NFKBIA: variants seen among roughly 807,000 people sequenced by gnomAD.
The protein encoded by NFKBIA is NFKB inhibitor alpha.
In NFKBIA, 10 loss-of-function variants were observed where a neutral mutation model predicts 36.3. The observed-to-expected ratio is 0.28, with a 90% CI of 0.17 to 0.47. The LOEUF is 0.47. NFKBIA is among the 20% of genes least tolerant of loss of function. The pLI, the probability that NFKBIA is intolerant of heterozygous loss-of-function variation, is 0.99. For missense variants in NFKBIA, 355 were observed against 399.3 expected (o/e 0.89, Z 0.94); for synonymous variants, 205 against 164.4 (o/e 1.25, Z -1.89).
At position 35,403,373 on chromosome 14, in the gene NFKBIA, G is replaced by C; in HGVS notation, c.337-13C>G. 3.1e-6 allele frequency: 5 copies of C among 1,613,626 alleles called. No homozygotes were observed. Among genetic ancestry groups the C allele is most frequent in the Non-Finnish European group, 4.2e-6 (5 of 1,179,866 alleles). Reference sequence around the variant, plus strand: ...AGTGGAGTGGAGTCTACGAATGCAAGAGAGACCAGAGAAAGTAAGCCATGG... The same window carrying C: ...AGTGGAGTGGAGTCTACGAATGCAACAGAGACCAGAGAAAGTAAGCCATGG... On this transcript the variant is annotated splice_polypyrimidine_tract_variant and intron_variant, in intron 2 of 5. Transcript: ENST00000216797.
rs1391137942 is a variant in NFKBIA, at chr14:35,404,576, C to T, written c.69G>A (p.Glu23=). The change falls in exon 1 of 6, where the codon GAG becomes GAA. Residue 23 remains glutamate (E), a synonymous_variant. Coordinates refer to ENST00000216797, the MANE Select transcript of NFKBIA (RefSeq NM_020529.3). ...TGTCGTGGCGGTCGTCCAGTAGCCG[C>T]TCCTTCTTCAGCCCGTCGCGGGGGC... is the stretch of plus-strand genomic sequence containing the variant. ...MEGPRDGLKK[E]RLLDDRHDSG... 6.3e-7 allele frequency: 1 copy of T among 1,591,880 alleles called. No individual in the cohort carries two copies. The highest frequency in any genetic ancestry group is 1.1e-5 in the South Asian group (1 of 87,910).
Position 35,401,912 on chromosome 14 carries a change from G to A in NFKBIA, c.*101C>T. The A allele has an allele frequency of 7.4e-7, 1 of 1,346,378 alleles. No individual in the cohort carries two copies. The highest frequency in any genetic ancestry group is 1.7e-5 in the Admixed American group (1 of 58,828). The allele number at this position is 1,346,378 out of a possible 1,614,324, so 83.4% of individuals were successfully genotyped here. On this transcript the variant is annotated 3_prime_UTR_variant, in exon 6 of 6. Transcript: ENST00000216797. Reference sequence around the variant, plus strand: ...CAGGCAGTGTGCAGTGTGGATATAAGTACACCCTTTAAATTTTTTCTTCTT... The same window carrying A: ...CAGGCAGTGTGCAGTGTGGATATAAATACACCCTTTAAATTTTTTCTTCTT...
Position 35,402,375 on chromosome 14 carries a change from A to G in NFKBIA, c.906+19T>C, listed in dbSNP as rs1262400830. 3.1e-6 allele frequency: 5 copies of G among 1,614,004 alleles called. No homozygotes were observed. The highest frequency in any genetic ancestry group is 4.2e-6 in the Non-Finnish European group (5 of 1,180,000). ...TGGCACCTCATTAGTTAGAGCGCCG[A>G]AGGAGTTCACAGACTCACCTCGTCC... On this transcript the variant is annotated intron_variant, in intron 5 of 5. Coordinates refer to ENST00000216797, the MANE Select transcript of NFKBIA (RefSeq NM_020529.3).
intron 2 of NFKBIA, 37 bp from the exon 3 acceptor site, chr14:35,403,397 G>A (rs771131167): frequency 6.2e-7 from 1 of 1,607,806 alleles, no homozygotes; most frequent in Non-Finnish European, 8.5e-7. Context: ...AGTAAGCCAT[G>A]GACCAAACCC....
In NFKBIA at chr14:35,401,899, A is replaced by C; in HGVS notation, c.*114T>G. ...AGACGTTTTGGGCCAGGCAGTGTGC[A>C]GTGTGGATATAAGTACACCCTTTAA... is the stretch of plus-strand genomic sequence containing the variant. On this transcript the variant is annotated 3_prime_UTR_variant, in exon 6 of 6. Coordinates refer to ENST00000216797, the MANE Select transcript of NFKBIA (RefSeq NM_020529.3). The C allele has an allele frequency of 8.6e-7, 1 of 1,161,604 alleles. No individual in the cohort carries two copies. The highest frequency in any genetic ancestry group is 1.3e-6 in the Non-Finnish European group (1 of 782,706). 72.0% of individuals were successfully genotyped at this position (1,161,604 alleles called of 1,614,324 possible).
intron 2 of NFKBIA, 22 bp downstream of exon 2, chr14:35,403,668 C>T (rs2138832654): frequency 6.3e-7 from 1 of 1,576,598 alleles, no homozygotes; most frequent in Non-Finnish European, 8.7e-7. Flanking sequence ...CAGAGAGAAC[C>T]CGGGCCAGGC....
rs1436364513 is a variant in NFKBIA, at chr14:35,402,801, C to T, written c.606G>A (p.Leu202=). 1 of 1,614,090 alleles carries T rather than the reference C, an allele frequency of 6.2e-7. No homozygotes were observed. The highest frequency in any genetic ancestry group is 1.7e-5 in the Admixed American group (1 of 60,010). The change falls in exon 4 of 6, where the codon TTG becomes TTA. Residue 202 remains leucine (L), a synonymous_variant. Coordinates refer to ENST00000216797, the MANE Select transcript of NFKBIA (RefSeq NM_020529.3). ...IHGYLGIVEL[L]VSLGADVNAQ... ...CATTGACATCAGCACCCAAGGACAC[C>T]AAAAGCTCCACGATGCCCAGGTAGC...
rs1346914517 is a variant in NFKBIA, at chr14:35,401,732, C to A, written c.*281G>T. ...ACAATAAATATAAAATGTGGTCCTTCCATGAAATTTTTGATAACCTTCTCC... is the reference window on the plus strand; with the variant it reads ...ACAATAAATATAAAATGTGGTCCTTACATGAAATTTTTGATAACCTTCTCC... On this transcript the variant is annotated 3_prime_UTR_variant, in exon 6 of 6. Transcript: ENST00000216797. 17 of 512,940 alleles carry A rather than the reference C, an allele frequency of 3.3e-5. 1 individual carries two copies. Among genetic ancestry groups the A allele is most frequent in the Admixed American group, 2.7e-4 (8 of 29,852 alleles). The allele number at this position is 512,940 out of a possible 1,614,324, so 31.8% of individuals were successfully genotyped here.
chr14:35,401,888 A>T lies in NFKBIA; in HGVS notation c.*125T>A. ...CTACCACAATAAGACGTTTTGGGCC[A>T]GGCAGTGTGCAGTGTGGATATAAGT... On this transcript the variant is annotated 3_prime_UTR_variant, in exon 6 of 6. Coordinates refer to ENST00000216797, the MANE Select transcript of NFKBIA (RefSeq NM_020529.3). 1 of 1,081,506 alleles carries T rather than the reference A, an allele frequency of 9.2e-7. No individual in the cohort carries two copies. The highest frequency in any genetic ancestry group is 1.4e-6 in the Non-Finnish European group (1 of 716,466). 67.0% of individuals were successfully genotyped at this position (1,081,506 alleles called of 1,614,324 possible).
In NFKBIA at chr14:35,404,480, C is replaced by A; in HGVS notation, c.165G>T (p.Glu55Asp). 1.2e-6 allele frequency: 2 copies of A among 1,602,714 alleles called. No individual in the cohort carries two copies. The highest frequency in any genetic ancestry group is 2.2e-5 in the South Asian group (2 of 89,698). Residue 55 changes from glutamate to aspartate, a missense_variant, in exon 1 of 6, where the codon GAG becomes GAT. Coordinates refer to ENST00000216797, the MANE Select transcript of NFKBIA (RefSeq NM_020529.3). ...CCGAGCCGCGCGGCACCTCCTGCGG[C>A]TCGAGGCGGATCTCCTGCAGCTCCT... is the stretch of plus-strand genomic sequence containing the variant. Reference protein sequence around the residue: ...MVKELQEIRLEPQEVPRGSEP... With the variant: ...MVKELQEIRLDPQEVPRGSEP...
chr14:35,404,462 G>T lies in NFKBIA; in HGVS notation c.183C>A (p.Arg61=). 6.4e-7 allele frequency: 1 copy of T among 1,562,660 alleles called. No individual in the cohort carries two copies. ...EIRLEPQEVP[R]GSEPWKQQLT... ...GCTGCTGCTTCCAGGGCTCCGAGCC[G>T]CGCGGCACCTCCTGCGGCTCGAGGC... is the stretch of plus-strand genomic sequence containing the variant. The change falls in exon 1 of 6, where the codon CGC becomes CGA. Residue 61 remains arginine, a synonymous_variant. Transcript: ENST00000216797.
At position 35,402,510 on chromosome 14, in the gene NFKBIA, G is replaced by A. The variant is rs747273949; in HGVS notation, c.790C>T (p.Arg264Trp). The A allele has an allele frequency of 7.4e-6, 12 of 1,614,076 alleles. No individual in the cohort carries two copies. The highest frequency in any genetic ancestry group is 5.0e-5 in the Admixed American group (3 of 60,008). ...YQLTWGRPST[R>W]IQQQLGQLTL... ...AGCTGGCCCAGCTGCTGCTGTATCC[G>A]GGTGCTTGGGCGGCCCCAGGTGAGC... is the stretch of plus-strand genomic sequence containing the variant. The change falls in exon 5 of 6, where the codon CGG (arginine) becomes TGG (tryptophan). Residue 264 changes from arginine (R) to tryptophan (W), a missense_variant. Transcript: ENST00000216797.
At position 35,403,220 on chromosome 14, in the gene NFKBIA, G is replaced by C. The variant is rs199877737; in HGVS notation, c.477C>G (p.Ser159Arg). 1.2e-6 allele frequency: 2 copies of C among 1,612,738 alleles called. No homozygotes were observed. The highest frequency in any genetic ancestry group is 8.5e-7 in the Non-Finnish European group (1 of 1,180,002). Reference sequence around the variant, plus strand: ...TGCAGGACTGAGTCAGGACTCCCACGCTGGCCAGGCAGCCCTGCTCACAGG... The same window carrying C: ...TGCAGGACTGAGTCAGGACTCCCACCCTGGCCAGGCAGCCCTGCTCACAGG... ...HLACEQGCLASVGVLTQSCTT... is the reference protein window; with the variant it reads ...HLACEQGCLARVGVLTQSCTT... The change falls in exon 3 of 6, where the codon AGC becomes AGG. Residue 159 changes from serine (S) to arginine (R), a missense_variant. By Grantham distance (110) the Ser-to-Arg change is moderately radical. Coordinates refer to ENST00000216797, the MANE Select transcript of NFKBIA (RefSeq NM_020529.3).
At chr14:35,403,655 G>A (rs2052753489) in intron 2 of NFKBIA, 35 bp downstream of exon 2, 1 of 1,476,934 alleles carries the variant, frequency 6.8e-7, no homozygotes. Flanking sequence ...TACGTCCCAG[G>A]GTCAGAGAGA....
Position 35,402,885 on chromosome 14 carries a change from T to G in NFKBIA, c.548-26A>C, listed in dbSNP as rs374063913. On this transcript the variant is annotated intron_variant, in intron 3 of 5. Transcript: ENST00000216797. Reference sequence around the variant, plus strand: ...CTGGAAGAACAAAAGGAAAAAAGTATAACCACCTGTTTCAACCCTCACTCC... The same window carrying G: ...CTGGAAGAACAAAAGGAAAAAAGTAGAACCACCTGTTTCAACCCTCACTCC... 1.2e-5 allele frequency: 20 copies of G among 1,602,164 alleles called. No homozygotes were observed. The Middle Eastern group carries it at 5.0e-4, about 40-fold the overall frequency.
rs913256495 is a variant in NFKBIA, at chr14:35,401,621, G to C, written c.*392C>G. 1 of 328,630 alleles carries C rather than the reference G, an allele frequency of 3.0e-6. No individual in the cohort carries two copies. The highest frequency in any genetic ancestry group is 2.1e-5 in the African/African-American group (1 of 47,354). The allele number at this position is 328,630 out of a possible 1,614,324, so 20.4% of individuals were successfully genotyped here. A position where few individuals can be genotyped will look rare whatever the true frequency, so the allele number is the denominator to read the frequency against. ...AGGGTAACACAAACCTTGACAGGTA[G>C]TAACTTTTCACCCCACATCACTGAA... On this transcript the variant is annotated 3_prime_UTR_variant, in exon 6 of 6. Coordinates refer to ENST00000216797, the MANE Select transcript of NFKBIA (RefSeq NM_020529.3).
rs1350420515 is a variant in NFKBIA at position 35,402,052 on chromosome 14, A to G, written c.915T>C (p.Tyr305=). The change falls in exon 6 of 6, where the codon TAT becomes TAC. Residue 305 remains tyrosine, a synonymous_variant. Coordinates refer to ENST00000216797, the MANE Select transcript of NFKBIA (RefSeq NM_020529.3). ...FTEFTEDELP[Y]DDCVFGGQRL... is the part of the protein sequence containing the mutation. ...GCTGGCCTCCAAACACACAGTCATC[A>G]TAGGGCAGCTGAAAACAAGGGGAAA... The G allele has an allele frequency of 6.2e-7, 1 of 1,614,050 alleles. No homozygotes were observed. Among genetic ancestry groups the G allele is most frequent in the Non-Finnish European group, 8.5e-7 (1 of 1,180,012 alleles).
intron 1 of NFKBIA, chr14:35,404,028 C>G: frequency 1.8e-6 from 1 of 567,388 alleles, no homozygotes; most frequent in Non-Finnish European, 3.2e-6. Context: ...CGCCCTCCCG[C>G]CAGCTCGGAA....
rs375015401 is a variant in NFKBIA, at chr14:35,403,256, G to T, written c.441C>A (p.Pro147=). Reference sequence around the variant, plus strand: ...AGCCCTGCTCACAGGCAAGGTGTAGGGGGGTATTTCCTCGAAAGTCTCGGA... The same window carrying T: ...AGCCCTGCTCACAGGCAAGGTGTAGTGGGGTATTTCCTCGAAAGTCTCGGA... ...PELRDFRGNT[P]LHLACEQGCL... The change falls in exon 3 of 6, where the codon CCC becomes CCA. Residue 147 remains proline (P), a synonymous_variant. Coordinates refer to ENST00000216797, the MANE Select transcript of NFKBIA (RefSeq NM_020529.3). The T allele has an allele frequency of 6.2e-7, 1 of 1,613,554 alleles. No homozygotes were observed. Among genetic ancestry groups the T allele is most frequent in the Non-Finnish European group, 8.5e-7 (1 of 1,180,024 alleles).
Sources: allele counts gnomAD v4.1 joint callset, GRCh38; gene constraint gnomAD v4.1.1; transcripts MANE v1.5; gene names NCBI Gene and HGNC (gene_info 2026-07-23, HGNC 2026-07-21).